Variants in KDM6A observed in about 807,000 individuals in gnomAD.
KDM6A encodes lysine-specific demethylase 6A.
In KDM6A, 11 loss-of-function variants were observed where a neutral mutation model predicts 117.6. The observed-to-expected ratio is 0.09, with a 90% CI of 0.06 to 0.15. The LOEUF is 0.15. Among genes scored for constraint, KDM6A ranks in the 10% least tolerant of loss-of-function variants. The pLI is 1.00. For synonymous variants in KDM6A, 384 were observed against 396.1 expected, an observed-to-expected ratio of 0.97 and a Z score of 0.36; for missense variants, 799 against 1,077.3, an observed-to-expected ratio of 0.74 and a Z score of 3.62.
chrX:44,886,926 T>C (rs1164062332), intron 2 of KDM6A, among the ~76,000 whole-genome samples: 1 of 109,613 alleles, frequency 9.1e-6, no homozygotes, highest in Admixed American at 9.8e-5. Context: ...TGTTAACTTA[T>C]AGATGAATAT....
intron 27 of KDM6A, among the ~76,000 whole-genome samples, chrX:45,103,458 C>T (rs947641598): frequency 3.6e-4 from 40 of 111,402 alleles, no homozygotes; most frequent in African/African-American, 1.2e-3. Context: ...GATGATCTCT[C>T]GCTCTCCTTT....
intron 4 of KDM6A, among the ~76,000 whole-genome samples, chrX:45,000,779 C>T (rs923191579): frequency 1.8e-5 from 2 of 112,417 alleles, no homozygotes; most frequent in Non-Finnish European, 3.8e-5. Context: ...TGCCGGACTT[C>T]GGGATATAGC....
chrX:45,023,775 T>C (rs776109408), intron 6 of KDM6A, among the ~76,000 whole-genome samples: 1 of 111,064 alleles, frequency 9.0e-6, no homozygotes. Flanking sequence ...CAATGTGTAG[T>C]CTTTTATCCC....
intron 18 of KDM6A, among the ~76,000 whole-genome samples, chrX:45,071,841 C>G (rs1000219244): frequency 9.0e-6 from 1 of 110,867 alleles, no homozygotes; most frequent in Non-Finnish European, 1.9e-5. Flanking sequence ...GCGATTTCAA[C>G]TTACCGCACG....
At chrX:45,003,066 C>T (rs1016762361) in intron 4 of KDM6A, among the ~76,000 whole-genome samples, 26 of 111,110 alleles carry the variant, frequency 2.3e-4, no homozygotes, top group African/African-American at 8.5e-4. Context: ...TCCAAATTAA[C>T]TTAGAATTGG....
chrX:45,012,197 ATTTT>A (rs760991442), intron 5 of KDM6A, among the ~76,000 whole-genome samples: 2,267 of 68,999 alleles, frequency 0.033, 100 homozygotes, highest in African/African-American at 0.14. Flanking sequence ...CCCAATGTAG[ATTTT>A]TTTTTTTTTT....
chrX:45,088,951 A>G, intron 25 of KDM6A, among the ~76,000 whole-genome samples: 1 of 112,181 alleles, frequency 8.9e-6, no homozygotes, highest in Non-Finnish European at 1.9e-5. Flanking sequence ...TCAGCTAATC[A>G]TCAAACTATA....
chrX:44,905,274 A>G (rs770340217), intron 2 of KDM6A, among the ~76,000 whole-genome samples: 2 of 112,236 alleles, frequency 1.8e-5, no homozygotes, highest in East Asian at 5.6e-4. Flanking sequence ...AATGATGGTA[A>G]GGTTGGTTCC....
intron 18 of KDM6A, among the ~76,000 whole-genome samples, chrX:45,071,327 T>G (rs771225279): frequency 8.9e-6 from 1 of 112,394 alleles, no homozygotes; most frequent in East Asian, 2.8e-4. Flanking sequence ...CTAGTTTGGC[T>G]ACATTGACCA....
At chrX:44,916,525 G>A (rs976176528) in intron 2 of KDM6A, among the ~76,000 whole-genome samples, 1 of 111,541 alleles carries the variant, frequency 9.0e-6, no homozygotes, top group Non-Finnish European at 1.9e-5. Context: ...GAAAGTTAAA[G>A]AAAAATGCAA....
At chrX:45,047,803 C>A (rs2043638998) in intron 8 of KDM6A, among the ~76,000 whole-genome samples, 1 of 102,891 alleles carries the variant, frequency 9.7e-6, no homozygotes, top group Non-Finnish European at 2.0e-5. Context: ...CGTGCCTCAG[C>A]CTTCCAAGTA....
chrX:44,958,082 T>A lies in KDM6A; in HGVS notation c.226-3202T>A, dbSNP rs184543420. ...TTGCAGAAATTGCTCTGTTGATTGCTGATGCAACCACAAATGATTTTCTTT... is the reference window on the plus strand; with the variant it reads ...TTGCAGAAATTGCTCTGTTGATTGCAGATGCAACCACAAATGATTTTCTTT... On this transcript the variant is annotated intron_variant, in intron 2 of 29. Coordinates refer to ENST00000611820, the MANE Select transcript of KDM6A (RefSeq NM_001291415.2). 1.1e-4 allele frequency among the ~76,000 whole-genome samples: 12 copies of A among 112,046 alleles called. No individual in the cohort carries two copies. The East Asian group carries it at 2.5e-3, about 23-fold the overall frequency.
At chrX:45,066,327 T>A (rs2044530759) in intron 17 of KDM6A, among the ~76,000 whole-genome samples, 1 of 112,107 alleles carries the variant, frequency 8.9e-6, no homozygotes, top group African/African-American at 3.2e-5. Flanking sequence ...GTGCCAAGGC[T>A]TCCATTTCCA....
chrX:44,983,407 CTTAT>C (rs760478964), intron 4 of KDM6A, among the ~76,000 whole-genome samples: 1 of 111,199 alleles, frequency 9.0e-6, no homozygotes, highest in Non-Finnish European at 1.9e-5. Context: ...CCTGCTCTCC[CTTAT>C]TTATTTATTT....
chrX:45,042,135 G>C (rs1203874201), intron 8 of KDM6A, among the ~76,000 whole-genome samples: 1 of 108,319 alleles, frequency 9.2e-6, no homozygotes, highest in East Asian at 2.9e-4. Context: ...GCCTGCAATC[G>C]CAGGCACTCG....
chrX:44,908,431 G>T (rs755743624), intron 2 of KDM6A, among the ~76,000 whole-genome samples: 1 of 111,612 alleles, frequency 9.0e-6, no homozygotes, highest in Admixed American at 9.5e-5. Flanking sequence ...GGCAGAGAGA[G>T]ACTGAAGGAT....
chrX:44,940,126 C>T, intron 2 of KDM6A, among the ~76,000 whole-genome samples: 1 of 111,264 alleles, frequency 9.0e-6, no homozygotes, highest in Non-Finnish European at 1.9e-5. Context: ...GATCTCAGCT[C>T]ACTGCAAGCT....
intron 6 of KDM6A, among the ~76,000 whole-genome samples, chrX:45,028,933 A>G (rs769048105): frequency 8.9e-6 from 1 of 112,517 alleles, no homozygotes; most frequent in Non-Finnish European, 1.9e-5. Context: ...ATATATGTGC[A>G]GTAACACCAT....
At chrX:44,899,006 T>G (rs867567531) in intron 2 of KDM6A, among the ~76,000 whole-genome samples, 20 of 87,350 alleles carry the variant, frequency 2.3e-4, no homozygotes, top group Admixed American at 6.3e-4. Context: ...AGAGGGAGGG[T>G]GTGTGTGTGT....
Sources: gnomAD v4.1 joint callset for allele counts (sites outside exome capture counted in the v4.1 genomes callset) on GRCh38, gnomAD v4.1.1 for gene constraint, MANE v1.5 for transcripts, NCBI Gene and HGNC (gene_info 2026-07-23, HGNC 2026-07-21) for gene names.